ELP6: variants seen among roughly 807,000 people sequenced by gnomAD.
ELP6 encodes the protein elongator complex protein 6.
In ELP6, 23 loss-of-function variants were observed where a neutral mutation model predicts 28.1. The ratio of observed to expected loss-of-function variants is 0.82; its 90% CI spans 0.59 to 1.16. The LOEUF (loss-of-function observed/expected upper bound fraction) is 1.16. ELP6 is among the 50% of genes most tolerant of loss of function. ELP6 has a pLI of 0.00. For missense variants in ELP6, 313 were observed against 334.6 expected, an observed-to-expected ratio of 0.94 and a Z score of 0.50; for synonymous variants, 132 against 135.8, an observed-to-expected ratio of 0.97 and a Z score of 0.19.
chr3:47,506,515 T>A (rs930629178), intron 3 of ELP6, among the ~76,000 whole-genome samples: 11 of 152,220 alleles, frequency 7.2e-5, no homozygotes, highest in African/African-American at 1.9e-4. Flanking sequence ...GCGTATTCTC[T>A]TTCCCAGGGA....
intron 3 of ELP6, among the ~76,000 whole-genome samples, chr3:47,505,532 G>T (rs533846890): frequency 6.6e-6 from 1 of 152,186 alleles, no homozygotes; most frequent in East Asian, 1.9e-4. Context: ...AACCTCTTGA[G>T]TAGCTGGGAT....
intron 4 of ELP6, among the ~76,000 whole-genome samples, chr3:47,504,011 T>C (rs1045716273): frequency 2.6e-5 from 4 of 152,228 alleles, no homozygotes. Context: ...AGCCCATAGT[T>C]TGCCATTGCA....
Position 47,498,037 on chromosome 3 carries a change from C to A in ELP6, c.672+249G>T, listed in dbSNP as rs1037425767. The A allele has an allele frequency of 1.4e-5, 14 of 984,308 alleles. No individual in the cohort carries two copies. The African/African-American group carries it at 2.4e-4, about 17-fold the overall frequency. The allele number at this position is 984,308 out of a possible 1,614,324, so 61.0% of individuals were successfully genotyped here. On this transcript the variant is annotated intron_variant, in intron 6 of 6. Coordinates refer to ENST00000296149, the MANE Select transcript of ELP6 (RefSeq NM_001031703.3). ...TGCCCCTGCATTCCACTCTAGACAG[C>A]TGTCTCCTCTTTAAGAGTGCCCCAC...
chr3:47,497,937 A>C (rs2108071250), intron 6 of ELP6: 1 of 985,236 alleles, frequency 1.0e-6, no homozygotes, highest in African/African-American at 1.7e-5. Flanking sequence ...TCTAAAAAAA[A>C]AAGGAACAGT....
intron 4 of ELP6, chr3:47,502,996 A>G: frequency 3.0e-6 from 3 of 987,220 alleles, no homozygotes; most frequent in South Asian, 4.4e-5. Context: ...ACCCCTGGCC[A>G]TCATTTCTCA....
intron 3 of ELP6, 44 bp downstream of exon 3, chr3:47,510,140 C>A (rs540067743): frequency 7.0e-7 from 1 of 1,430,678 alleles, no homozygotes; most frequent in Non-Finnish European, 9.9e-7. Flanking sequence ...GTGTGACACA[C>A]ACACTCACTC....
intron 1 of ELP6, 36 bp downstream of exon 1, chr3:47,513,501 A>G: frequency 1.2e-6 from 2 of 1,603,256 alleles, no homozygotes; most frequent in Non-Finnish European, 1.7e-6. Flanking sequence ...CTGCCCTGCC[A>G]GGTCCCGCCC....
Position 47,513,617 on chromosome 3 carries a change from G to A in ELP6, c.-27C>T, listed in dbSNP as rs1044778259. 1 of 1,612,882 alleles carries A rather than the reference G, an allele frequency of 6.2e-7. No homozygotes were observed. Among genetic ancestry groups the A allele is most frequent in the Non-Finnish European group, 8.5e-7 (1 of 1,179,492 alleles). ...CCGAGCTCCTGGGACTAGCGCTCTG[G>A]AGGAGAACCCGGAGTGCTGCAGAGA... On this transcript the variant is annotated 5_prime_UTR_variant, in exon 1 of 7. Coordinates refer to ENST00000296149, the MANE Select transcript of ELP6 (RefSeq NM_001031703.3).
At position 47,498,315 on chromosome 3, in the gene ELP6, T is replaced by C; in HGVS notation, c.643A>G (p.Thr215Ala). ...CCGTGCACATCCCTGCAGAAGCCAG[T>C]GGCCAGGCCCTCAGCCCGCAGTATC... Reference protein sequence around the residue: ...HLILRAEGLATGFCRDVHGQL... With the variant: ...HLILRAEGLAAGFCRDVHGQL... Residue 215 changes from threonine to alanine, a missense_variant, in exon 6 of 7, where the codon ACT (threonine) becomes GCT (alanine). Transcript: ENST00000296149. The C allele has an allele frequency of 1.2e-6, 2 of 1,613,686 alleles. No individual in the cohort carries two copies. The highest frequency in any genetic ancestry group is 8.5e-7 in the Non-Finnish European group (1 of 1,180,024).
intron 5 of ELP6, among the ~76,000 whole-genome samples, chr3:47,499,338 G>A (rs990960558): frequency 2.6e-5 from 4 of 152,088 alleles, no homozygotes; most frequent in Middle Eastern, 3.2e-3. Context: ...CCAACATGGT[G>A]AAACCCCGTC....
chr3:47,497,528 G>A (rs1172947275), intron 6 of ELP6, among the ~76,000 whole-genome samples: 2 of 151,814 alleles, frequency 1.3e-5, no homozygotes, highest in East Asian at 4.0e-4. Flanking sequence ...TTAGAGATGG[G>A]ATTTCACCAT....
chr3:47,503,407 G>A (rs1433566964), intron 4 of ELP6: 1 of 1,289,768 alleles, frequency 7.8e-7, no homozygotes, highest in Non-Finnish European at 1.0e-6. Context: ...TCAGGCCTGT[G>A]ATGTTGAATA....
chr3:47,498,255 G>C (rs751844788), intron 6 of ELP6, 31 bp downstream of exon 6: 10 of 1,611,002 alleles, frequency 6.2e-6, no homozygotes, highest in Non-Finnish European at 8.5e-6. Context: ...ACACGGGCAA[G>C]AAGCCTGTTG....
rs1708975425 is a variant in ELP6, at chr3:47,510,228, G to A, written c.160C>T (p.Leu54Phe). Residue 54 changes from leucine to phenylalanine, a missense_variant, in exon 3 of 7, where the codon CTC (leucine) becomes TTC (phenylalanine). By Grantham distance (22) the Leu-to-Phe change is conservative. Transcript: ENST00000296149. ...KANCKVCFVA[L>F]IQSFSHYSIV... ...CTGTAGTGGCTGAAGGACTGGATGA[G>A]TGCCACAAAGCAGACTTTACAATTA... 6.2e-7 allele frequency: 1 copy of A among 1,613,842 alleles called. No individual in the cohort carries two copies. The highest frequency in any genetic ancestry group is 8.5e-7 in the Non-Finnish European group (1 of 1,179,884).
At chr3:47,511,893 C>T (rs1709027225) in intron 1 of ELP6, 10 of 985,458 alleles carry the variant, frequency 1.0e-5, no homozygotes, top group Non-Finnish European at 1.2e-5. Flanking sequence ...ACCTCCTTGC[C>T]GTGTGACCTT....
At chr3:47,502,504 A>G in intron 4 of ELP6, 1 of 984,682 alleles carries the variant, frequency 1.0e-6, no homozygotes, top group Non-Finnish European at 1.2e-6. Context: ...TGGATTGGGC[A>G]GGCGGAAACC....
At chr3:47,504,494 C>T in intron 3 of ELP6, 46 bp from the exon 4 acceptor site, 1 of 1,533,920 alleles carries the variant, frequency 6.5e-7, no homozygotes, top group South Asian at 1.2e-5. Flanking sequence ...GTAGGGGAAC[C>T]CATCAGACTA....
At chr3:47,507,765 T>C (rs913836963) in intron 3 of ELP6, among the ~76,000 whole-genome samples, 5 of 152,038 alleles carry the variant, frequency 3.3e-5, no homozygotes, top group African/African-American at 1.2e-4. Context: ...TTTGTTCCAA[T>C]AGCTGCAGCT....
At chr3:47,508,220 T>C (rs1009796342) in intron 3 of ELP6, among the ~76,000 whole-genome samples, 1 of 152,198 alleles carries the variant, frequency 6.6e-6, no homozygotes, top group South Asian at 2.1e-4. Context: ...GACTGGATTT[T>C]ATTTTATTTT....
Sources: allele counts gnomAD v4.1 joint callset (sites outside exome capture counted in the v4.1 genomes callset), GRCh38; gene constraint gnomAD v4.1.1; transcripts MANE v1.5; gene names NCBI Gene and HGNC (gene_info 2026-07-23, HGNC 2026-07-21).